The following HMG20B variants were observed in gnomAD, a reference collection of about 807,000 sequenced individuals.
HMG20B encodes the protein high mobility group 20B.
A neutral mutation model predicts 41.6 loss-of-function variants in HMG20B; 24 were observed. The observed-to-expected ratio is 0.58, with a 90% CI of 0.42 to 0.81. The LOEUF (loss-of-function observed/expected upper bound fraction) is 0.81, where lower values mean the gene tolerates loss of function less well. Ranked by LOEUF, HMG20B falls within the 30% of genes least tolerant of loss-of-function variation. HMG20B has a pLI of 0.00. For missense variants in HMG20B, 461 were observed against 444.0 expected (o/e 1.04, Z -0.34); for synonymous variants, 251 against 186.6 (o/e 1.34, Z -2.81).
Position 3,576,931 on chromosome 19 carries a change from T to G in HMG20B, c.632T>G (p.Val211Gly). ...AELRRLRKMN[V>G]AFEEQNAVLQ... The stretch of plus-strand genomic sequence containing the variant: ...CTTCGGCGCTTGCGGAAGATGAATG[T>G]GGCCTTCGAGGAGCAGAACGCGGTA... Residue 211 changes from valine to glycine, a missense_variant, in exon 8 of 10, where the codon GTG becomes GGG. By Grantham distance (109) the Val-to-Gly change is moderately radical (BLOSUM62 -3). Coordinates refer to ENST00000333651, the MANE Select transcript of HMG20B (RefSeq NM_006339.3). 6.3e-7 allele frequency: 1 copy of G among 1,584,328 alleles called. No individual in the cohort carries two copies. Among genetic ancestry groups the G allele is most frequent in the Non-Finnish European group, 8.6e-7 (1 of 1,166,856 alleles).
rs2032139413 is a variant in HMG20B, at chr19:3,575,554, G to A, written c.366G>A (p.Glu122=). ...CTGCCCCCCAGCGGTACCTGGATGAGGCCGAGAGAGAGAAGCAGCAGTACA... is the reference window on the plus strand; with the variant it reads ...CTGCCCCCCAGCGGTACCTGGATGAAGCCGAGAGAGAGAAGCAGCAGTACA... ...QPTEKQRYLD[E]AEREKQQYMK... Residue 122 remains glutamate (E), a synonymous_variant, in exon 5 of 10, where the codon GAG becomes GAA. Transcript: ENST00000333651. 6.4e-7 allele frequency: 1 copy of A among 1,562,692 alleles called. No individual in the cohort carries two copies. The highest frequency in any genetic ancestry group is 2.4e-5 in the East Asian group (1 of 41,868).
chr19:3,575,457 G>A (rs994249842), intron 4 of HMG20B, 83 bp from the exon 5 acceptor site: 6 of 1,538,214 alleles, frequency 3.9e-6, no homozygotes, highest in Admixed American at 2.0e-5. Flanking sequence ...AGAGGGGAGG[G>A]TGCTGTGAAA....
In HMG20B at chr19:3,574,574, A is replaced by C. The variant is rs1222646905; in HGVS notation, c.339A>C (p.Pro113=). The C allele has an allele frequency of 6.3e-7, 1 of 1,599,948 alleles. No individual in the cohort carries two copies. Among genetic ancestry groups the C allele is most frequent in the East Asian group, 2.2e-5 (1 of 44,458 alleles). ...GCGCCGAGTGGAGCAAGCTGCAGCC[A>C]ACGGAAAAGCAGGTGGGCGGGGCGG... ...MLGAEWSKLQ[P]TEKQRYLDEA... is the part of the protein sequence containing the mutation. Residue 113 remains proline, a synonymous_variant, in exon 4 of 10, where the codon CCA becomes CCC. Coordinates refer to ENST00000333651, the MANE Select transcript of HMG20B (RefSeq NM_006339.3).
intron 4 of HMG20B, 36 bp from the exon 5 acceptor site, chr19:3,575,504 T>G: frequency 6.4e-7 from 1 of 1,557,326 alleles, no homozygotes; most frequent in Non-Finnish European, 8.7e-7. Flanking sequence ...CGTTGGAGGC[T>G]TCCCCTGCTT....
chr19:3,576,715 G>T, intron 7 of HMG20B, 90 bp downstream of exon 7: 2 of 1,340,704 alleles, frequency 1.5e-6, no homozygotes, highest in Non-Finnish European at 1.0e-6. Context: ...ACTGCAGGAG[G>T]CGGATCGGGA....
intron 5 of HMG20B, 113 bp downstream of exon 5, chr19:3,575,773 C>T (rs1410712345): frequency 2.3e-6 from 2 of 866,244 alleles, no homozygotes; most frequent in South Asian, 1.7e-5. Context: ...GAAACCCTCC[C>T]CCTCTACTAA....
intron 2 of HMG20B, 149 bp from the exon 3 acceptor site, chr19:3,573,543 C>G: frequency 1.1e-6 from 1 of 900,510 alleles, no homozygotes; most frequent in Non-Finnish European, 1.6e-6. Flanking sequence ...TCCCACCTTC[C>G]CCGGATACTG....
Position 3,578,509 on chromosome 19 carries a change from C to T in HMG20B, c.942C>T (p.Ser314=). ...RIKEILAQVA[S]EHL is the part of the protein sequence containing the mutation. ...CCCGGGCCCTCCTCTCTCGTTTCAGCGAGCACCTGTGAGGAGTGGGCGGGC... is the reference window on the plus strand; with the variant it reads ...CCCGGGCCCTCCTCTCTCGTTTCAGTGAGCACCTGTGAGGAGTGGGCGGGC... The change falls in exon 10 of 10, where the codon AGC becomes AGT. Residue 314 remains serine (S), a splice_region_variant and synonymous_variant. Transcript: ENST00000333651. 1 of 1,551,994 alleles carries T rather than the reference C, an allele frequency of 6.4e-7. No individual in the cohort carries two copies. The highest frequency in any genetic ancestry group is 8.7e-7 in the Non-Finnish European group (1 of 1,149,176).
Position 3,573,740 on chromosome 19 carries a change from T to A in HMG20B, c.87T>A (p.Thr29=). 6.5e-7 allele frequency: 1 copy of A among 1,541,860 alleles called. No individual in the cohort carries two copies. ...GCCAGCATGGGGGCTTCGTGGTGACTGTCAAGCAAGAGCGCGGCGAGGGTC... is the reference window on the plus strand; with the variant it reads ...GCCAGCATGGGGGCTTCGTGGTGACAGTCAAGCAAGAGCGCGGCGAGGGTC... ...APGQHGGFVV[T]VKQERGEGPR... The change falls in exon 3 of 10, where the codon ACT becomes ACA. Residue 29 remains threonine, a synonymous_variant. Transcript: ENST00000333651.
In HMG20B at chr19:3,578,788, C is replaced by T. The variant is rs373055441; in HGVS notation, c.*267C>T. On this transcript the variant is annotated 3_prime_UTR_variant, in exon 10 of 10. Transcript: ENST00000333651. ...GGTGCCCCTCCTCGGAGGACAGCCA[C>T]GCGCTACACTGGCTCTCCGGGCCAC... The T allele has an allele frequency of 2.2e-4, 160 of 732,982 alleles. 6 individuals carry two copies. Among genetic ancestry groups the T allele is most frequent in the East Asian group, 7.9e-4 (31 of 39,058 alleles). The allele number at this position is 732,982 out of a possible 1,614,324, so 45.4% of individuals were successfully genotyped here. A position where few individuals can be genotyped will look rare whatever the true frequency, so the allele number is the denominator to read the frequency against.
Position 3,577,057 on chromosome 19 carries a change from A to G in HMG20B, c.758A>G (p.Gln253Arg). 6.5e-7 allele frequency: 1 copy of G among 1,545,146 alleles called. No homozygotes were observed. Among genetic ancestry groups the G allele is most frequent in the Non-Finnish European group, 8.7e-7 (1 of 1,146,030 alleles). The change falls in exon 8 of 10, where the codon CAG becomes CGG. Residue 253 changes from glutamine (Q) to arginine (R), a missense_variant. Around this residue, in one of 3 missense-constraint regions of HMG20B, gnomAD observed 308 missense variants for 283.4 expected, o/e 1.09. Coordinates refer to ENST00000333651, the MANE Select transcript of HMG20B (RefSeq NM_006339.3). ...ACGCTGGCGCTGCAGCAGCAGCTCC[A>G]GGCCGTGCGCCAGGCGCTCACCGCC... ...RRTLALQQQL[Q>R]AVRQALTASF...
chr19:3,574,491 G>C lies in HMG20B; in HGVS notation c.256G>C (p.Glu86Gln), dbSNP rs2032114991. The C allele has an allele frequency of 6.2e-7, 1 of 1,607,476 alleles. No individual in the cohort carries two copies. Among genetic ancestry groups the C allele is most frequent in the African/African-American group, 1.3e-5 (1 of 74,820 alleles). The change falls in exon 4 of 10, where the codon GAG becomes CAG. Residue 86 changes from glutamate (E) to glutamine (Q), a missense_variant. Transcript: ENST00000333651. ...CGTGCGCTTCCTGAACGAGCGGCGC[G>C]AGCAGATCCGCACGCGCCACCCGGA... is the stretch of plus-strand genomic sequence containing the variant. Reference protein sequence around the residue: ...GYVRFLNERREQIRTRHPDLP... With the variant: ...GYVRFLNERRQQIRTRHPDLP...
rs1304014424 is a variant in HMG20B at position 3,573,277 on chromosome 19, G to T, written c.-18-15G>T. ...GCCCGGGCGCTACTCACCTCCGCCC[G>T]CGTCCGTGTTCCAGGTCCGGCCCGG... is the stretch of plus-strand genomic sequence containing the variant. On this transcript the variant is annotated splice_polypyrimidine_tract_variant and intron_variant, in intron 1 of 9. Coordinates refer to ENST00000333651, the MANE Select transcript of HMG20B (RefSeq NM_006339.3). 9 of 1,516,706 alleles carry T rather than the reference G, an allele frequency of 5.9e-6. No individual in the cohort carries two copies. Among genetic ancestry groups the T allele is most frequent in the African/African-American group, 5.7e-5 (4 of 70,582 alleles). 94.0% of individuals were successfully genotyped at this position (1,516,706 alleles called of 1,614,324 possible). A position where few individuals can be genotyped will look rare whatever the true frequency, so the allele number is the denominator to read the frequency against.
chr19:3,577,935 C>T (rs1425515349), intron 8 of HMG20B, 46 bp from the exon 9 acceptor site: 3 of 1,521,564 alleles, frequency 2.0e-6, no homozygotes, highest in Non-Finnish European at 1.8e-6. Context: ...GCCCCCGCCC[C>T]GCGACTCCCC....
At chr19:3,575,217 TGA>T (rs2032132030) in intron 4 of HMG20B, among the ~76,000 whole-genome samples, 1 of 152,014 alleles carries the variant, frequency 6.6e-6, no homozygotes, top group Admixed American at 6.6e-5. Flanking sequence ...TCCCTGTAAG[TGA>T]GATTTCAAAG....
intron 3 of HMG20B, chr19:3,574,081 T>A (rs1189294506): frequency 1.6e-6 from 1 of 636,466 alleles, no homozygotes; most frequent in African/African-American, 1.9e-5. Flanking sequence ...TGTGGGCCCG[T>A]TCTCCAGCAG....
Position 3,576,827 on chromosome 19 carries a change from G to T in HMG20B, c.593-65G>T. 3.9e-6 allele frequency: 6 copies of T among 1,522,610 alleles called. No individual in the cohort carries two copies. The South Asian group carries it at 7.2e-5, about 18-fold the overall frequency. 94.3% of individuals were successfully genotyped at this position (1,522,610 alleles called of 1,614,324 possible). A position where few individuals can be genotyped will look rare whatever the true frequency, so the allele number is the denominator to read the frequency against. ...GGAAACCTGGGCAGGGGCACGTCCC[G>T]GGCAAAAGCCCGGAGGTAGGGGAAA... is the stretch of plus-strand genomic sequence containing the variant. On this transcript the variant is annotated intron_variant, in intron 7 of 9. Coordinates refer to ENST00000333651, the MANE Select transcript of HMG20B (RefSeq NM_006339.3).
intron 4 of HMG20B, among the ~76,000 whole-genome samples, chr19:3,575,249 G>A (rs2032132492): frequency 6.6e-6 from 1 of 152,172 alleles, no homozygotes; most frequent in East Asian, 1.9e-4. Context: ...GGTGCGGGAG[G>A]GAGTCCAGGC....
intron 7 of HMG20B, 122 bp from the exon 8 acceptor site, chr19:3,576,770 G>C: frequency 2.3e-6 from 3 of 1,277,684 alleles, no homozygotes; most frequent in Non-Finnish European, 3.3e-6. Flanking sequence ...TCCAGAGGCT[G>C]ATGTGGAGCA....
Sources: allele counts gnomAD v4.1 joint callset (sites outside exome capture counted in the v4.1 genomes callset), GRCh38; gene constraint gnomAD v4.1.1; regional missense constraint gnomAD v4.1.1; transcripts MANE v1.5; gene names NCBI Gene and HGNC (gene_info 2026-07-23, HGNC 2026-07-21).